Variants in CEP112 observed in about 807,000 individuals in gnomAD.
The protein encoded by CEP112 is centrosomal protein 112, also known as centrosomal protein of 112 kDa.
CEP112 carries 127 observed loss-of-function variants against 153.0 expected under a neutral mutation model. The ratio of observed to expected loss-of-function variants is 0.83; its 90% CI spans 0.72 to 0.96. CEP112 has a LOEUF of 0.96. Ranked by LOEUF, CEP112 falls within the 40% of genes least tolerant of loss-of-function variation. The pLI is 0.00. For synonymous variants in CEP112, 358 were observed against 374.4 expected (o/e 0.96, Z 0.51); for missense variants, 1,089 against 1,101.2 (o/e 0.99, Z 0.16).
intron 26 of CEP112, 129 bp from the exon 27 acceptor site, chr17:65,636,103 T>A (rs2044753318): frequency 2.3e-6 from 2 of 853,660 alleles, no homozygotes; most frequent in African/African-American, 3.4e-5. Flanking sequence ...TGTCATAATT[T>A]ATGCTTATCT....
chr17:65,643,680 C>T (rs2045276111), intron 24 of CEP112, among the ~76,000 whole-genome samples: 1 of 152,154 alleles, frequency 6.6e-6, no homozygotes, highest in Non-Finnish European at 1.5e-5. Flanking sequence ...GAGCTCATTG[C>T]CATCCAGAAA....
In CEP112 at chr17:65,852,001, A is replaced by C. The variant is rs1336248929; in HGVS notation, c.2197T>G (p.Leu733Val). The part of the protein sequence containing the change: ...IADMEAQVHK[L>V]REELINVNSQ... ...TTCACATTGATCAATTCTTCTCTCA[A>C]CTTGTGAACCTGGGCCTCCATGTCG... Residue 733 changes from leucine to valine, a missense_variant, in exon 21 of 27, where the codon TTG (leucine) becomes GTG (valine). Coordinates refer to ENST00000535342, the MANE Select transcript of CEP112 (RefSeq NM_001199165.4). 13 of 1,612,250 alleles carry C rather than the reference A, an allele frequency of 8.1e-6. No homozygotes were observed. The highest frequency in any genetic ancestry group is 1.1e-5 in the South Asian group (1 of 90,496).
At chr17:66,090,322 TCTTTAGTATGAA>T (rs2068086031) in intron 8 of CEP112, among the ~76,000 whole-genome samples, 1 of 151,982 alleles carries the variant, frequency 6.6e-6, no homozygotes. Flanking sequence ...ATGACTTATA[TCTTTAGTATGAA>T]GATATTATAT....
chr17:65,839,674 C>G (rs1402727577), intron 21 of CEP112, among the ~76,000 whole-genome samples: 2 of 151,744 alleles, frequency 1.3e-5, no homozygotes, highest in Non-Finnish European at 2.9e-5. Context: ...CTAGTCAGAG[C>G]AATTAGGCAA....
intron 21 of CEP112, among the ~76,000 whole-genome samples, chr17:65,822,126 C>T (rs2056619716): frequency 6.6e-6 from 1 of 151,530 alleles, no homozygotes; most frequent in East Asian, 1.9e-4. Context: ...AGAATGATTA[C>T]TACAGGGAGT....
intron 16 of CEP112, among the ~76,000 whole-genome samples, chr17:66,016,402 T>C (rs1284761761): frequency 6.6e-6 from 1 of 152,160 alleles, no homozygotes; most frequent in Non-Finnish European, 1.5e-5. Context: ...GTGCTTCTAT[T>C]ACGTGTCTCT....
At chr17:65,779,894 C>T (rs563182972) in intron 21 of CEP112, among the ~76,000 whole-genome samples, 21 of 152,050 alleles carry the variant, frequency 1.4e-4, no homozygotes, top group Non-Finnish European at 2.6e-4. Flanking sequence ...TATACTGGAC[C>T]TACTGAGTTT....
At chr17:65,879,925 A>C (rs2058998352) in intron 20 of CEP112, among the ~76,000 whole-genome samples, 1 of 151,890 alleles carries the variant, frequency 6.6e-6, no homozygotes. Context: ...CAGAAAAGAC[A>C]ATAAACAACA....
At chr17:66,092,523 G>C (rs1165882694) in intron 8 of CEP112, among the ~76,000 whole-genome samples, 1 of 151,850 alleles carries the variant, frequency 6.6e-6, no homozygotes, top group Non-Finnish European at 1.5e-5. Context: ...CTCATATTAT[G>C]AGGCCAACTT....
chr17:66,116,204 G>C (rs1028325173), intron 6 of CEP112, among the ~76,000 whole-genome samples: 1 of 152,158 alleles, frequency 6.6e-6, no homozygotes, highest in African/African-American at 2.4e-5. Context: ...AGCAGATACA[G>C]TGCTTACCTA....
chr17:65,907,045 A>T (rs953324074), intron 19 of CEP112, among the ~76,000 whole-genome samples: 1 of 152,248 alleles, frequency 6.6e-6, no homozygotes, highest in African/African-American at 2.4e-5. Flanking sequence ...AATTGGTTAA[A>T]AGCAAAATAT....
chr17:66,017,191 C>A (rs943916347), intron 16 of CEP112, among the ~76,000 whole-genome samples: 1 of 152,158 alleles, frequency 6.6e-6, no homozygotes, highest in African/African-American at 2.4e-5. Context: ...GAAAGTAGTA[C>A]CTGAATTGCC....
intron 19 of CEP112, among the ~76,000 whole-genome samples, chr17:65,911,767 A>C (rs1194119536): frequency 6.6e-6 from 1 of 152,206 alleles, no homozygotes; most frequent in African/African-American, 2.4e-5. Flanking sequence ...AAAGTGGCAA[A>C]TGTAGCATGG....
At chr17:65,655,142 T>C in intron 24 of CEP112, 2 of 741,308 alleles carry the variant, frequency 2.7e-6, no homozygotes, top group African/African-American at 1.7e-5. Context: ...GATAATAATG[T>C]CATTGAATTA....
chr17:65,797,056 A>AC (rs1209017513), intron 21 of CEP112: 36 of 137,074 alleles, frequency 2.6e-4, no homozygotes, highest in Middle Eastern at 3.2e-3. Context: ...CTCTGTCTCA[A>AC]AAACAACAAC....
intron 17 of CEP112, among the ~76,000 whole-genome samples, chr17:65,976,714 A>T (rs951033106): frequency 1.3e-5 from 2 of 150,558 alleles, no homozygotes; most frequent in East Asian, 3.9e-4. Context: ...TCTATTTTTT[A>T]AAGTAAACTT....
chr17:65,736,562 C>T (rs1484353034), intron 23 of CEP112, among the ~76,000 whole-genome samples: 1 of 152,018 alleles, frequency 6.6e-6, no homozygotes, highest in Non-Finnish European at 1.5e-5. Flanking sequence ...AAAATAGGCC[C>T]TAACTAATAC....
At chr17:65,872,001 CTTTTTT>C (rs2058684466) in intron 20 of CEP112, among the ~76,000 whole-genome samples, 1 of 152,266 alleles carries the variant, frequency 6.6e-6, no homozygotes, top group Admixed American at 6.5e-5. Context: ...TTATTTGCTG[CTTTTTT>C]TCTCTATTCA....
rs184450537 is a variant in CEP112 at position 66,139,165 on chromosome 17, A to C, written c.471-6402T>G. On this transcript the variant is annotated intron_variant, in intron 4 of 26. Transcript: ENST00000535342. Reference sequence around the variant, plus strand: ...ATAAAACAGAAAATAGAAAAACAACAGAGAAAATGAAACTAAGAGTTGATT... The same window carrying C: ...ATAAAACAGAAAATAGAAAAACAACCGAGAAAATGAAACTAAGAGTTGATT... Among the ~76,000 whole-genome samples, 121 of 152,308 alleles carry C rather than the reference A, an allele frequency of 7.9e-4. 3 individuals are homozygous for C. In the East Asian group the frequency reaches 0.023, roughly 29 times the overall value.
Sources: allele counts gnomAD v4.1 joint callset (sites outside exome capture counted in the v4.1 genomes callset), GRCh38; gene constraint gnomAD v4.1.1; transcripts MANE v1.5; gene names NCBI Gene and HGNC (gene_info 2026-07-23, HGNC 2026-07-21).